The following COG5 variants were observed in gnomAD, a reference collection of about 807,000 sequenced individuals.
COG5 encodes the protein component of oligomeric golgi complex 5.
In COG5, 86 loss-of-function variants were observed where a neutral mutation model predicts 110.4. The ratio of observed to expected loss-of-function variants is 0.78; its 90% CI spans 0.65 to 0.93. COG5 has a LOEUF of 0.93. Ranked by LOEUF, COG5 falls within the 40% of genes least tolerant of loss-of-function variation. The pLI is 0.00. For missense variants in COG5, 1,077 were observed against 987.0 expected (o/e 1.09, Z -1.22); for synonymous variants, 360 against 334.6 (o/e 1.08, Z -0.83).
rs1306236105 is a variant in COG5, at chr7:107,248,398, A to G, written c.1851T>C (p.Ser617=). The change falls in exon 17 of 22, where the codon TCT becomes TCC. Residue 617 remains serine (S), a splice_region_variant and synonymous_variant. Coordinates refer to ENST00000297135, the MANE Select transcript of COG5 (RefSeq NM_006348.5). ...AAAATTTGGTTAGAAGTAATTACCC[A>G]GAAAAGTCTTCTTGATGCATGGTGA... ...IIITMHQEDF[S]GSLSSSGKPD... 6.3e-7 allele frequency: 1 copy of G among 1,599,746 alleles called. No homozygotes were observed. The highest frequency in any genetic ancestry group is 8.6e-7 in the Non-Finnish European group (1 of 1,167,282).
intron 21 of COG5, chr7:107,208,045 A>G (rs758553160): frequency 1.2e-5 from 12 of 985,468 alleles, no homozygotes; most frequent in Non-Finnish European, 1.4e-5. Flanking sequence ...AAAGAAATTC[A>G]TCCAGTGATG....
Position 107,515,985 on chromosome 7 carries a change from C to A in COG5, c.538+11252G>T, listed in dbSNP as rs546391864. On this transcript the variant is annotated intron_variant, in intron 6 of 21. Coordinates refer to ENST00000297135, the MANE Select transcript of COG5 (RefSeq NM_006348.5). ...CCTTACTCATGCTTAAATAACATCACCACTTTGTAGTAATGCCTATCTAAA... is the reference window on the plus strand; with the variant it reads ...CCTTACTCATGCTTAAATAACATCAACACTTTGTAGTAATGCCTATCTAAA... 5.9e-5 allele frequency among the ~76,000 whole-genome samples: 9 copies of A among 152,286 alleles called. No individual in the cohort carries two copies. In the East Asian group the frequency reaches 1.7e-3, roughly 29 times the overall value.
intron 7 of COG5, among the ~76,000 whole-genome samples, chr7:107,400,425 A>G (rs1049886001): frequency 6.6e-5 from 10 of 152,304 alleles, no homozygotes; most frequent in Admixed American, 2.0e-4. Flanking sequence ...CTACTATAAT[A>G]ACACTCCAGC....
At chr7:107,480,006 T>C (rs550623569) in intron 6 of COG5, among the ~76,000 whole-genome samples, 3 of 152,152 alleles carry the variant, frequency 2.0e-5, no homozygotes, top group Non-Finnish European at 2.9e-5. Context: ...TATAAACATA[T>C]CGTCCTCATT....
chr7:107,393,875 A>C (rs894576520), intron 7 of COG5, among the ~76,000 whole-genome samples: 1 of 152,252 alleles, frequency 6.6e-6, no homozygotes, highest in African/African-American at 2.4e-5. Flanking sequence ...AGTTTCAACA[A>C]ATCAATCTTC....
rs575745850 is a variant in COG5, at chr7:107,542,209, G to A, written c.417+5902C>T. 3.1e-4 allele frequency among the ~76,000 whole-genome samples: 47 copies of A among 152,154 alleles called. 1 individual carries two copies. The highest frequency in any genetic ancestry group is 8.2e-4 in the African/African-American group (34 of 41,534). ...CTTCTCTCCAACAACAGACAAGAGC[G>A]AGAAGGAGAAAAAAATGGATAGGCA... On this transcript the variant is annotated intron_variant, in intron 5 of 21. Coordinates refer to ENST00000297135, the MANE Select transcript of COG5 (RefSeq NM_006348.5).
At chr7:107,218,873 T>C (rs549034318) in intron 19 of COG5, among the ~76,000 whole-genome samples, 2 of 152,072 alleles carry the variant, frequency 1.3e-5, no homozygotes, top group East Asian at 3.9e-4. Flanking sequence ...TGGGATTACA[T>C]TAAAGTAAAA....
At chr7:107,495,711 C>T (rs1798230414) in intron 6 of COG5, among the ~76,000 whole-genome samples, 1 of 152,078 alleles carries the variant, frequency 6.6e-6, no homozygotes, top group African/African-American at 2.4e-5. Flanking sequence ...ATTAAAGATG[C>T]ATGTTGCAAT....
rs535962408 is a variant in COG5, at chr7:107,398,387, G to A, written c.669+14115C>T. ...CTGGGCCACACAGCAGGAGGTGAGC[G>A]GCAGGGCAGTGAGCATTATAACCTG... On this transcript the variant is annotated intron_variant, in intron 7 of 21. Transcript: ENST00000297135. Among the ~76,000 whole-genome samples, 6 of 152,292 alleles carry A rather than the reference G, an allele frequency of 3.9e-5. No homozygotes were observed. In the South Asian group the frequency reaches 1.0e-3, roughly 26 times the overall value.
At chr7:107,342,091 C>T (rs1481177793) in intron 10 of COG5, among the ~76,000 whole-genome samples, 8 of 152,022 alleles carry the variant, frequency 5.3e-5, no homozygotes. Context: ...ACCAACAACC[C>T]ACACTATAGA....
chr7:107,363,894 A>G (rs1320720199), intron 8 of COG5, among the ~76,000 whole-genome samples: 1 of 151,670 alleles, frequency 6.6e-6, no homozygotes, highest in Non-Finnish European at 1.5e-5. Flanking sequence ...GGCGGAGGTT[A>G]CAATGAGCCG....
At chr7:107,294,302 C>T (rs897563761) in intron 12 of COG5, among the ~76,000 whole-genome samples, 1 of 152,158 alleles carries the variant, frequency 6.6e-6, no homozygotes, top group African/African-American at 2.4e-5. Flanking sequence ...AAATCCATGG[C>T]TTGCCCTCTA....
At chr7:107,317,487 A>G (rs77422419) in intron 11 of COG5, among the ~76,000 whole-genome samples, 24,674 of 152,208 alleles carry the variant, frequency 0.16, 2,372 homozygotes, top group Non-Finnish European at 0.22. Context: ...ATTGAGAATA[A>G]TCCCTATTCT....
At chr7:107,532,511 A>T (rs1246364060) in intron 5 of COG5, among the ~76,000 whole-genome samples, 1 of 152,200 alleles carries the variant, frequency 6.6e-6, no homozygotes, top group East Asian at 1.9e-4. Flanking sequence ...TCAGATTAAC[A>T]TACATATACA....
At chr7:107,511,129 A>C (rs567167883) in intron 6 of COG5, among the ~76,000 whole-genome samples, 15 of 149,264 alleles carry the variant, frequency 1.0e-4, no homozygotes, top group Non-Finnish European at 4.5e-5. Context: ...AAAGATCAAC[A>C]AAACTGATAG....
At chr7:107,330,482 A>G (rs1584686868) in intron 10 of COG5, among the ~76,000 whole-genome samples, 1 of 152,320 alleles carries the variant, frequency 6.6e-6, no homozygotes, top group Admixed American at 6.5e-5. Flanking sequence ...ATTAATACTT[A>G]AACAAAACAG....
chr7:107,328,561 C>A (rs1439521587), intron 10 of COG5, among the ~76,000 whole-genome samples: 3 of 152,092 alleles, frequency 2.0e-5, no homozygotes, highest in Non-Finnish European at 4.4e-5. Context: ...TATGAAGTAG[C>A]TAAAATAGTC....
chr7:107,460,796 A>G (rs1795944673), intron 6 of COG5, among the ~76,000 whole-genome samples: 1 of 152,162 alleles, frequency 6.6e-6, no homozygotes, highest in Non-Finnish European at 1.5e-5. Context: ...GATCCTACAG[A>G]TAATTAAAAT....
At chr7:107,283,916 CAGGACCATAGTAACCTTTTTTTTT>C (rs1805403194) in intron 12 of COG5, among the ~76,000 whole-genome samples, 184 bp from the exon 13 acceptor site, 1 of 151,862 alleles carries the variant, frequency 6.6e-6, no homozygotes, top group Non-Finnish European at 1.5e-5. Context: ...ATTAAACATT[CAGGACCATAGTAACCTTTTTTTTT>C]TTGAGACGTA....
Sources: allele counts gnomAD v4.1 joint callset (sites outside exome capture counted in the v4.1 genomes callset), GRCh38; gene constraint gnomAD v4.1.1; transcripts MANE v1.5; gene names NCBI Gene and HGNC (gene_info 2026-07-23, HGNC 2026-07-21).